DPYD: variants seen among roughly 807,000 people sequenced by gnomAD.
The protein encoded by DPYD is dihydropyrimidine dehydrogenase [NADP(+)].
In DPYD, 109 loss-of-function variants were observed where a neutral mutation model predicts 116.2. That is an observed-to-expected ratio of 0.94 (90% confidence interval 0.80 to 1.10). The LOEUF is 1.10. Ranked by LOEUF, DPYD falls within the 50% of genes least tolerant of loss-of-function variation. The probability of loss-of-function intolerance (pLI) is 0.00; values close to 1 mark genes in which losing one functional copy is unlikely to be tolerated. For missense variants in DPYD, 1,302 were observed against 1,254.5 expected (o/e 1.04, Z -0.57); for synonymous variants, 440 against 432.0 (o/e 1.02, Z -0.23).
Position 97,858,990 on chromosome 1 carries a change from C to T in DPYD, c.150+24274G>A, listed in dbSNP as rs1375238962. 9.2e-5 allele frequency among the ~76,000 whole-genome samples: 14 copies of T among 152,090 alleles called. 1 individual carries two copies. Among genetic ancestry groups the T allele is most frequent in the East Asian group, 5.8e-4 (3 of 5,168 alleles). ...AATTTAACTACTACTTAATTTTACT[C>T]GGTTTTCAAATTTTTACTCAACTTT... On this transcript the variant is annotated intron_variant, in intron 2 of 22. Transcript: ENST00000370192.
chr1:97,713,754 T>G (rs1438969503), intron 5 of DPYD, among the ~76,000 whole-genome samples: 1 of 152,140 alleles, frequency 6.6e-6, no homozygotes, highest in Non-Finnish European at 1.5e-5. Flanking sequence ...ATCTATATCT[T>G]ACTTCTCTCA....
At chr1:97,530,938 C>T (rs1649573449) in intron 12 of DPYD, among the ~76,000 whole-genome samples, 2 of 152,092 alleles carry the variant, frequency 1.3e-5, no homozygotes, top group Non-Finnish European at 2.9e-5. Context: ...CTATTCAAGT[C>T]CCTTGCTAAT....
chr1:97,325,162 C>T (rs541182258), intron 16 of DPYD, among the ~76,000 whole-genome samples: 2 of 151,990 alleles, frequency 1.3e-5, no homozygotes, highest in Non-Finnish European at 2.9e-5. Context: ...CAAAGGACTG[C>T]TAAATTTAGA....
chr1:97,600,397 A>C (rs1655174904), intron 8 of DPYD, among the ~76,000 whole-genome samples: 1 of 152,180 alleles, frequency 6.6e-6, no homozygotes, highest in Non-Finnish European at 1.5e-5. Context: ...AACCAGGCTA[A>C]CTTCCCCCTC....
At chr1:97,124,624 C>T (rs1652694852) in intron 20 of DPYD, among the ~76,000 whole-genome samples, 1 of 152,048 alleles carries the variant, frequency 6.6e-6, no homozygotes, top group African/African-American at 2.4e-5. Context: ...ATTTAACCTT[C>T]CTATTTGGCC....
At chr1:97,722,306 C>T (rs1172609920) in intron 4 of DPYD, among the ~76,000 whole-genome samples, 1 of 151,224 alleles carries the variant, frequency 6.6e-6, no homozygotes, top group African/African-American at 2.4e-5. Flanking sequence ...AGCCTAAGGA[C>T]ACATGACAAA....
At chr1:97,720,692 G>GTAAGTCA in intron 5 of DPYD, 1 of 1,392,126 alleles carries the variant, frequency 7.2e-7, no homozygotes, top group Non-Finnish European at 9.3e-7. Flanking sequence ...AACCAGATCA[G>GTAAGTCA]TAAGTCATTA....
In DPYD at chr1:97,860,882, A is replaced by T. The variant is rs138550137; in HGVS notation, c.150+22382T>A. 2.9e-3 allele frequency among the ~76,000 whole-genome samples: 440 copies of T among 151,762 alleles called. 2 individuals are homozygous for T. The highest frequency in any genetic ancestry group is 0.01 in the African/African-American group (419 of 41,442). Reference sequence around the variant, plus strand: ...TCAAACGATAAAAAGCTACAGGGTAAAAAAAAAGGAGGGACTTAAAAAAGA... The same window carrying T: ...TCAAACGATAAAAAGCTACAGGGTATAAAAAAAGGAGGGACTTAAAAAAGA... On this transcript the variant is annotated intron_variant, in intron 2 of 22. Transcript: ENST00000370192.
chr1:97,307,167 T>C (rs1337874000), intron 16 of DPYD, among the ~76,000 whole-genome samples: 1 of 151,932 alleles, frequency 6.6e-6, no homozygotes, highest in African/African-American at 2.4e-5. Context: ...TCATTACTTT[T>C]AGTGCAAAAT....
intron 18 of DPYD, among the ~76,000 whole-genome samples, chr1:97,267,621 AG>A (rs1291190337): frequency 1.3e-5 from 2 of 152,062 alleles, no homozygotes; most frequent in South Asian, 2.1e-4. Flanking sequence ...TCCATTCATG[AG>A]GGTGGAGCTT....
intron 4 of DPYD, among the ~76,000 whole-genome samples, chr1:97,726,725 A>C (rs2101038972): frequency 6.6e-6 from 1 of 151,712 alleles, no homozygotes; most frequent in South Asian, 2.1e-4. Flanking sequence ...AAGCACAGAA[A>C]AAAAAAACAT....
chr1:97,112,025 G>A (rs1651635796), intron 20 of DPYD, among the ~76,000 whole-genome samples: 1 of 151,758 alleles, frequency 6.6e-6, no homozygotes, highest in South Asian at 2.1e-4. Context: ...CACTTAATAG[G>A]CCTCTTTGCC....
chr1:97,370,420 G>A (rs1671257883), intron 16 of DPYD, among the ~76,000 whole-genome samples: 1 of 152,052 alleles, frequency 6.6e-6, no homozygotes, highest in Non-Finnish European at 1.5e-5. Flanking sequence ...CCTGTTGGGG[G>A]TTGGGGGGTC....
intron 18 of DPYD, among the ~76,000 whole-genome samples, chr1:97,272,736 A>C (rs1321678211): frequency 6.6e-6 from 1 of 152,100 alleles, no homozygotes; most frequent in Non-Finnish European, 1.5e-5. Flanking sequence ...TTTTTGACTG[A>C]GGAAAAGATA....
chr1:97,670,313 C>T lies in DPYD; in HGVS notation c.850+8782G>A, dbSNP rs1162798260. ...TAAGGACAAATGTCATATGCTGAAG[C>T]CCTAATCTCAAACATGATGGTACTT... On this transcript the variant is annotated intron_variant, in intron 8 of 22. Coordinates refer to ENST00000370192, the MANE Select transcript of DPYD (RefSeq NM_000110.4). Among the ~76,000 whole-genome samples the T allele has an allele frequency of 2.6e-5, 4 of 152,238 alleles. No individual in the cohort carries two copies. The South Asian group carries it at 8.3e-4, about 32-fold the overall frequency.
chr1:97,263,788 G>A (rs1300060649), intron 18 of DPYD, among the ~76,000 whole-genome samples: 1 of 151,922 alleles, frequency 6.6e-6, no homozygotes, highest in Non-Finnish European at 1.5e-5. Flanking sequence ...CACTGAACCT[G>A]ACAAAACATT....
intron 12 of DPYD, among the ~76,000 whole-genome samples, chr1:97,537,474 A>C (rs1046681371): frequency 1.3e-5 from 2 of 152,224 alleles, no homozygotes; most frequent in African/African-American, 4.8e-5. Flanking sequence ...ATTGTTAATA[A>C]AATGACAGTT....
intron 16 of DPYD, among the ~76,000 whole-genome samples, chr1:97,332,515 T>G (rs1385751072): frequency 6.6e-6 from 1 of 152,164 alleles, no homozygotes; most frequent in Non-Finnish European, 1.5e-5. Flanking sequence ...TTCGTTGAGT[T>G]TTGTGTCCTA....
rs146955294 is a variant in DPYD, at chr1:97,336,894, G to GA, written c.2059-30598dup. Among the ~76,000 whole-genome samples, 1,102 of 152,216 alleles carry GA rather than the reference G, an allele frequency of 7.2e-3. 10 individuals carry two copies. The highest frequency in any genetic ancestry group is 0.025 in the African/African-American group (1,030 of 41,538). On this transcript the variant is annotated intron_variant, in intron 16 of 22. Transcript: ENST00000370192. ...GTGGTCACAGAGATGGGATTGAATG[G>GA]AAAAATACAATGTTAAAGAGGTTTC...
Sources: gnomAD v4.1 joint callset for allele counts (sites outside exome capture counted in the v4.1 genomes callset) on GRCh38, gnomAD v4.1.1 for gene constraint, MANE v1.5 for transcripts, NCBI Gene and HGNC (gene_info 2026-07-23, HGNC 2026-07-21) for gene names.